The following RAB3GAP2 variants were observed in gnomAD, a reference collection of about 807,000 sequenced individuals.
The protein encoded by RAB3GAP2 is rab3 GTPase-activating protein non-catalytic subunit.
In RAB3GAP2, 87 loss-of-function variants were observed where a neutral mutation model predicts 185.3. The observed-to-expected ratio is 0.47, with a 90% CI of 0.39 to 0.56. RAB3GAP2 has a LOEUF of 0.56. Ranked by LOEUF, RAB3GAP2 falls within the 20% of genes least tolerant of loss-of-function variation. RAB3GAP2 has a pLI of 0.00. For missense variants in RAB3GAP2, 1,492 were observed against 1,638.2 expected (o/e 0.91, Z 1.54); for synonymous variants, 554 against 576.1 (o/e 0.96, Z 0.55).
chr1:220,184,715 T>C (rs1658477429), intron 18 of RAB3GAP2, among the ~76,000 whole-genome samples: 1 of 152,124 alleles, frequency 6.6e-6, no homozygotes, highest in African/African-American at 2.4e-5. Context: ...CAATGGTGTT[T>C]GGTTTACTAC....
intron 23 of RAB3GAP2, 97 bp downstream of exon 23, chr1:220,171,792 C>A: frequency 7.1e-7 from 1 of 1,403,750 alleles, no homozygotes; most frequent in South Asian, 1.2e-5. Flanking sequence ...ATCCCTCTCC[C>A]CGCTCCAAAA....
At chr1:220,258,600 G>A (rs959281234) in intron 1 of RAB3GAP2, among the ~76,000 whole-genome samples, 2 of 152,128 alleles carry the variant, frequency 1.3e-5, no homozygotes, top group African/African-American at 4.8e-5. Flanking sequence ...AATAGTAAGA[G>A]CCTTGTATGA....
chr1:220,192,988 A>G (rs1658652581), intron 13 of RAB3GAP2, among the ~76,000 whole-genome samples: 1 of 152,232 alleles, frequency 6.6e-6, no homozygotes, highest in Non-Finnish European at 1.5e-5. Flanking sequence ...AGAAATTGAC[A>G]ATAACAGTGA....
intron 8 of RAB3GAP2, 116 bp from the exon 9 acceptor site, chr1:220,202,490 A>C: frequency 9.5e-7 from 1 of 1,052,516 alleles, no homozygotes; most frequent in Admixed American, 2.0e-5. Flanking sequence ...TAATGACACA[A>C]AGTAATGAAA....
chr1:220,249,712 C>T (rs1053687094), intron 1 of RAB3GAP2, among the ~76,000 whole-genome samples: 16 of 152,106 alleles, frequency 1.1e-4, no homozygotes, highest in Admixed American at 2.6e-4. Context: ...TTTTGTGGGC[C>T]CAGGGCCTTG....
At chr1:220,176,953 G>A (rs1412791117) in intron 21 of RAB3GAP2, among the ~76,000 whole-genome samples, 2 of 152,120 alleles carry the variant, frequency 1.3e-5, no homozygotes, top group Non-Finnish European at 2.9e-5. Context: ...CCTGCTGGGC[G>A]ACACATAACC....
chr1:220,187,355 C>T (rs1571889270), intron 17 of RAB3GAP2, among the ~76,000 whole-genome samples: 1 of 151,982 alleles, frequency 6.6e-6, no homozygotes, highest in East Asian at 1.9e-4. Flanking sequence ...GGTCTTTGAC[C>T]CCCCATTTCT....
chr1:220,232,870 T>A lies in RAB3GAP2; in HGVS notation c.116-7A>T. On this transcript the variant is annotated splice_region_variant and splice_polypyrimidine_tract_variant and intron_variant, in intron 1 of 34. Transcript: ENST00000358951. ...TCCCAGTCTGTTGATTTACCTGTTT[T>A]TAAAAAGATGAACAATGCTTGCATG... 1 of 1,612,828 alleles carries A rather than the reference T, an allele frequency of 6.2e-7. No individual in the cohort carries two copies. The highest frequency in any genetic ancestry group is 8.5e-7 in the Non-Finnish European group (1 of 1,178,932).
intron 7 of RAB3GAP2, among the ~76,000 whole-genome samples, 173 bp from the exon 8 acceptor site, chr1:220,206,179 A>C (rs537135168): frequency 6.6e-6 from 1 of 152,278 alleles, no homozygotes; most frequent in South Asian, 2.1e-4. Context: ...CTTTTTGCCA[A>C]AGACCTAAAA....
At chr1:220,253,562 A>T (rs1659978013) in intron 1 of RAB3GAP2, 3 of 1,587,448 alleles carry the variant, frequency 1.9e-6, no homozygotes, top group Non-Finnish European at 2.6e-6. Context: ...GCGGCAAATC[A>T]CTTATAAATG....
chr1:220,162,785 A>G (rs1391429176), intron 27 of RAB3GAP2, among the ~76,000 whole-genome samples: 2 of 152,230 alleles, frequency 1.3e-5, no homozygotes, highest in East Asian at 3.8e-4. Context: ...GAACATATGT[A>G]TGAGATTGTT....
Position 220,151,140 on chromosome 1 carries a change from GA to G in RAB3GAP2, c.*110del, listed in dbSNP as rs202060433. On this transcript the variant is annotated 3_prime_UTR_variant, in exon 35 of 35. Transcript: ENST00000358951. ...TATACTTTTATTTATTTTACAAAAG[GA>G]AAAAAAAAGACATACTTTTCCCATA... 1.9e-4 allele frequency: 222 copies of G among 1,143,216 alleles called. No homozygotes were observed. The highest frequency in any genetic ancestry group is 2.2e-4 in the Non-Finnish European group (177 of 805,212). The allele number at this position is 1,143,216 out of a possible 1,614,324, so 70.8% of individuals were successfully genotyped here. A position where few individuals can be genotyped will look rare whatever the true frequency, so the allele number is the denominator to read the frequency against.
chr1:220,242,938 G>T (rs1571924275), intron 1 of RAB3GAP2, among the ~76,000 whole-genome samples: 1 of 152,238 alleles, frequency 6.6e-6, no homozygotes. Flanking sequence ...AGATAAAAAT[G>T]TTCAAAATCC....
chr1:220,243,055 T>C (rs957943592), intron 1 of RAB3GAP2, among the ~76,000 whole-genome samples: 15 of 151,938 alleles, frequency 9.9e-5, no homozygotes, highest in Non-Finnish European at 2.1e-4. Context: ...TTTATTTTTT[T>C]AAAAAAAAGA....
chr1:220,203,608 T>C, intron 8 of RAB3GAP2, among the ~76,000 whole-genome samples: 1 of 152,134 alleles, frequency 6.6e-6, no homozygotes, highest in East Asian at 1.9e-4. Context: ...AAAAATTAAA[T>C]TGCTGATGAT....
At chr1:220,155,689 A>T (rs1657844239) in intron 31 of RAB3GAP2, among the ~76,000 whole-genome samples, 2 of 152,124 alleles carry the variant, frequency 1.3e-5, no homozygotes, top group Non-Finnish European at 2.9e-5. Flanking sequence ...TAGCACCGGG[A>T]TTGTTTTCAC....
At chr1:220,213,742 GGGAGA>G in intron 3 of RAB3GAP2, 109 bp downstream of exon 3, 3 of 988,192 alleles carry the variant, frequency 3.0e-6, no homozygotes, top group Non-Finnish European at 2.9e-6. Flanking sequence ...TGGGGGGGGG[GGGAGA>G]GAGAGAGAAA....
intron 9 of RAB3GAP2, among the ~76,000 whole-genome samples, chr1:220,201,707 T>C (rs1051674927): frequency 6.6e-6 from 1 of 152,060 alleles, no homozygotes; most frequent in African/African-American, 2.4e-5. Context: ...ACTATGTGGG[T>C]CGGGCTAATC....
Position 220,150,251 on chromosome 1 carries a change from T to C in RAB3GAP2, c.*1000A>G, listed in dbSNP as rs890818788. ...AATATTTATTTAGCACTTGGACTGC[T>C]CTAGGCACTATAGGGTACAAAATTA... is the stretch of plus-strand genomic sequence containing the variant. On this transcript the variant is annotated 3_prime_UTR_variant, in exon 35 of 35. Transcript: ENST00000358951. The C allele has an allele frequency of 2.0e-5, 3 of 152,464 alleles. No homozygotes were observed. Among genetic ancestry groups the C allele is most frequent in the Non-Finnish European group, 4.4e-5 (3 of 68,024 alleles). The allele number at this position is 152,464 out of a possible 1,614,324, so 9.4% of individuals were successfully genotyped here.
Sources: allele counts gnomAD v4.1 joint callset (sites outside exome capture counted in the v4.1 genomes callset), GRCh38; gene constraint gnomAD v4.1.1; transcripts MANE v1.5; gene names NCBI Gene and HGNC (gene_info 2026-07-23, HGNC 2026-07-21).